Variants in GPHN observed in about 807,000 individuals in gnomAD.
The protein encoded by GPHN is gephyrin.
In GPHN, 17 loss-of-function variants were observed where a neutral mutation model predicts 95.5. That is an observed-to-expected ratio of 0.18 (90% CI 0.12 to 0.27). GPHN has a LOEUF of 0.27. Ranked by LOEUF, GPHN falls within the 10% of genes least tolerant of loss-of-function variation. The probability of loss-of-function intolerance (pLI) is 1.00; values close to 1 mark genes in which losing one functional copy is unlikely to be tolerated. For synonymous variants in GPHN, 320 were observed against 322.5 expected, an observed-to-expected ratio of 0.99 and a Z score of 0.08; for missense variants, 660 against 978.1, an observed-to-expected ratio of 0.67 and a Z score of 4.34.
the GPHN span, chr14:67,677,363 ATTTTTTTTTTTTTT>A: frequency 2.5e-4 from 8 of 31,968 alleles, no homozygotes; most frequent in Admixed American, 1.7e-3. Flanking sequence ...TGTTTTTAGG[ATTTTTTTTTTTTTT>A]TTTTTTTTTT....
the GPHN span, chr14:67,392,959 G>C: frequency 0.11 from 109,096 of 967,648 alleles, 14,039 homozygotes; most frequent in East Asian, 0.47. Context: ...AGGGCTCTAC[G>C]CAAGAGCAGA....
chr14:67,572,104 C>A, the GPHN span: 1 of 1,591,952 alleles, frequency 6.3e-7, no homozygotes. Flanking sequence ...AGGTGTGGGA[C>A]CCGGGCCTTG....
At chr14:67,326,450 A>C in the GPHN span, among the ~76,000 whole-genome samples, 1 of 151,750 alleles carries the variant, frequency 6.6e-6, no homozygotes, top group East Asian at 1.9e-4. Flanking sequence ...TTGATTTTCT[A>C]ATTAGAACTT....
chr14:66,816,115 C>G (rs550949711), intron 3 of GPHN, among the ~76,000 whole-genome samples: 2 of 152,216 alleles, frequency 1.3e-5, no homozygotes, highest in African/African-American at 2.4e-5. Context: ...TCTAAATATC[C>G]TAAATATATA....
At chr14:67,275,315 A>C in the GPHN span, among the ~76,000 whole-genome samples, 1 of 152,172 alleles carries the variant, frequency 6.6e-6, no homozygotes, top group East Asian at 1.9e-4. Context: ...GTTTATTGAG[A>C]GTTTTTAGCA....
chr14:67,074,435 C>T (rs993032429), intron 11 of GPHN, among the ~76,000 whole-genome samples: 4 of 152,084 alleles, frequency 2.6e-5, no homozygotes, highest in Non-Finnish European at 5.9e-5. Context: ...CAGACTTAAT[C>T]GATAAACCTG....
At position 66,522,763 on chromosome 14, in the gene GPHN, T is replaced by A. The variant is rs115875987; in HGVS notation, c.64+14172T>A. Among the ~76,000 whole-genome samples, 1,098 of 146,612 alleles carry A rather than the reference T, an allele frequency of 7.5e-3. 5 individuals carry two copies. The highest frequency in any genetic ancestry group is 0.026 in the African/African-American group (1,049 of 40,114). ...CTGGATTTACCTTTAAAATATATAA[T>A]TTTTTTTTCTAATCACCACCTCTTT... On this transcript the variant is annotated intron_variant, in intron 1 of 22. Coordinates refer to ENST00000478722, the MANE Select transcript of GPHN (RefSeq NM_020806.5).
chr14:67,387,446 C>A, the GPHN span: 2 of 1,607,000 alleles, frequency 1.2e-6, no homozygotes, highest in Non-Finnish European at 1.7e-6. Context: ...CCTGGACATT[C>A]CCTTTAACCC....
At chr14:67,694,676 A>C in the GPHN span, among the ~76,000 whole-genome samples, 1 of 152,116 alleles carries the variant, frequency 6.6e-6, no homozygotes, top group Admixed American at 6.5e-5. Context: ...GTGTGCCTAG[A>C]GGTGGGAGAA....
At chr14:66,854,206 C>G (rs2062706729) in intron 4 of GPHN, among the ~76,000 whole-genome samples, 1 of 152,174 alleles carries the variant, frequency 6.6e-6, no homozygotes, top group Non-Finnish European at 1.5e-5. Context: ...GTTGCCATCA[C>G]AGGAGTAGCC....
At position 66,558,281 on chromosome 14, in the gene GPHN, T is replaced by G. The variant is rs75696178; in HGVS notation, c.64+49690T>G. Among the ~76,000 whole-genome samples, 555 of 152,184 alleles carry G rather than the reference T, an allele frequency of 3.6e-3. 12 individuals are homozygous for G. The highest frequency in any genetic ancestry group is 0.013 in the African/African-American group (529 of 41,544). ...GATAGTATATACTCCCAGTCAGAAT[T>G]TATTTTCAGGAATGACATAAATACC... is the stretch of plus-strand genomic sequence containing the variant. On this transcript the variant is annotated intron_variant, in intron 1 of 22. Coordinates refer to ENST00000478722, the MANE Select transcript of GPHN (RefSeq NM_020806.5).
chr14:66,948,455 G>A (rs750777345), intron 8 of GPHN, among the ~76,000 whole-genome samples: 5 of 151,964 alleles, frequency 3.3e-5, no homozygotes, highest in Non-Finnish European at 7.4e-5. Flanking sequence ...CTAAATTTAG[G>A]TATTCACATT....
the GPHN span, among the ~76,000 whole-genome samples, chr14:67,235,171 T>G: frequency 1.3e-5 from 2 of 150,998 alleles, no homozygotes; most frequent in Non-Finnish European, 3.0e-5. Flanking sequence ...AAAAAAAAGT[T>G]CAGGCCAGAT....
intron 5 of GPHN, among the ~76,000 whole-genome samples, chr14:66,892,985 A>G (rs2064605022): frequency 6.6e-6 from 1 of 152,178 alleles, no homozygotes. Context: ...ACATTTCTGC[A>G]GTGTTTCAGG....
At chr14:66,978,744 G>A (rs955838987) in intron 9 of GPHN, among the ~76,000 whole-genome samples, 5 of 152,078 alleles carry the variant, frequency 3.3e-5, no homozygotes, top group Admixed American at 1.3e-4. Flanking sequence ...GTTCTGAATG[G>A]CATCTAAAAT....
At chr14:66,930,297 T>G (rs2066716890) in intron 8 of GPHN, among the ~76,000 whole-genome samples, 1 of 152,132 alleles carries the variant, frequency 6.6e-6, no homozygotes, top group Admixed American at 6.5e-5. Flanking sequence ...TACTTTATAT[T>G]TTTTGTGGAA....
the GPHN span, chr14:67,359,525 T>G: frequency 9.9e-7 from 1 of 1,008,538 alleles, no homozygotes; most frequent in Non-Finnish European, 1.5e-6. Context: ...CGCCCTAGAC[T>G]CAAGAAAAGA....
chr14:66,564,274 A>G (rs911214248), intron 1 of GPHN, among the ~76,000 whole-genome samples: 2 of 152,164 alleles, frequency 1.3e-5, no homozygotes, highest in Admixed American at 1.3e-4. Context: ...AAATAAGAGC[A>G]TAATAAAATT....
At chr14:66,598,969 C>A (rs930460820) in intron 1 of GPHN, among the ~76,000 whole-genome samples, 2 of 151,910 alleles carry the variant, frequency 1.3e-5, no homozygotes, top group Non-Finnish European at 1.5e-5. Context: ...GCCGTTAGTA[C>A]AATTTTTTTA....
Sources: gnomAD v4.1 joint callset for allele counts (sites outside exome capture counted in the v4.1 genomes callset) on GRCh38, gnomAD v4.1.1 for gene constraint, MANE v1.5 for transcripts, NCBI Gene and HGNC (gene_info 2026-07-23, HGNC 2026-07-21) for gene names.